PDE4B: variants seen among roughly 807,000 people sequenced by gnomAD.
The protein encoded by PDE4B is 3',5'-cyclic-AMP phosphodiesterase 4B.
A neutral mutation model predicts 82.2 loss-of-function variants in PDE4B; 20 were observed. The observed-to-expected ratio is 0.24, with a 90% CI of 0.17 to 0.35. The LOEUF (loss-of-function observed/expected upper bound fraction) is 0.35. PDE4B is among the 10% of genes least tolerant of loss of function. PDE4B has a pLI of 1.00. For synonymous variants in PDE4B, 320 were observed against 318.9 expected, an observed-to-expected ratio of 1.00 and a Z score of -0.04; for missense variants, 655 against 907.2, an observed-to-expected ratio of 0.72 and a Z score of 3.57.
chr1:65,983,566 A>C (rs12732753), intron 3 of PDE4B, among the ~76,000 whole-genome samples: 25,646 of 152,200 alleles, frequency 0.17, 2,814 homozygotes, highest in Non-Finnish European at 0.24. Context: ...CTTTATTAAA[A>C]ACGGTAATTG....
chr1:66,311,080 A>T (rs1372238781), intron 7 of PDE4B, among the ~76,000 whole-genome samples: 2 of 152,230 alleles, frequency 1.3e-5, no homozygotes, highest in Non-Finnish European at 2.9e-5. Context: ...TCTGGTGCAG[A>T]ATAAATAGTC....
At chr1:66,062,713 A>G (rs1359421332) in intron 3 of PDE4B, among the ~76,000 whole-genome samples, 1 of 152,112 alleles carries the variant, frequency 6.6e-6, no homozygotes, top group East Asian at 1.9e-4. Context: ...TGACCTTCAA[A>G]GACCCTTCAA....
At chr1:66,207,983 TATC>T (rs1649696930) in intron 3 of PDE4B, among the ~76,000 whole-genome samples, 1 of 152,224 alleles carries the variant, frequency 6.6e-6, no homozygotes, top group Non-Finnish European at 1.5e-5. Flanking sequence ...GTGACTTCTT[TATC>T]TTTTGTGTGG....
chr1:66,230,905 GCA>G (rs1277868523), intron 3 of PDE4B, among the ~76,000 whole-genome samples: 2 of 151,890 alleles, frequency 1.3e-5, no homozygotes, highest in Admixed American at 1.3e-4. Context: ...AATTAGCGGG[GCA>G]CAGTGGCATG....
intron 3 of PDE4B, among the ~76,000 whole-genome samples, chr1:66,082,637 AAAT>A (rs1285261544): frequency 8.7e-6 from 1 of 114,952 alleles, no homozygotes; most frequent in Non-Finnish European, 1.8e-5. Flanking sequence ...GATAGGATTG[AAAT>A]AATATATATA....
chr1:65,795,322 G>A (rs755482926), intron 1 of PDE4B, among the ~76,000 whole-genome samples: 9 of 152,222 alleles, frequency 5.9e-5, no homozygotes, highest in Non-Finnish European at 8.8e-5. Context: ...TTGGTGGTTA[G>A]TAATTTATTA....
At chr1:66,202,533 G>A (rs1220020060) in intron 3 of PDE4B, among the ~76,000 whole-genome samples, 2 of 152,164 alleles carry the variant, frequency 1.3e-5, no homozygotes, top group African/African-American at 4.8e-5. Context: ...GGGTGCGCCT[G>A]TATTGGGTGC....
intron 3 of PDE4B, among the ~76,000 whole-genome samples, chr1:66,057,862 C>G (rs1557530524): frequency 6.6e-6 from 1 of 152,090 alleles, no homozygotes; most frequent in Non-Finnish European, 1.5e-5. Flanking sequence ...ATCATTCTGC[C>G]CCTGGCCCTT....
chr1:65,974,618 G>T (rs1650314036), intron 3 of PDE4B, among the ~76,000 whole-genome samples: 1 of 152,188 alleles, frequency 6.6e-6, no homozygotes, highest in Non-Finnish European at 1.5e-5. Flanking sequence ...TTGAATTGGA[G>T]GAGGGATCTG....
intron 3 of PDE4B, among the ~76,000 whole-genome samples, chr1:66,122,269 CAGGGACA>C (rs1333084629): frequency 2.0e-5 from 3 of 152,146 alleles, no homozygotes; most frequent in African/African-American, 4.8e-5. Context: ...GACCATGTGC[CAGGGACA>C]TGTTAAGTGC....
chr1:65,865,368 C>G (rs761795537), intron 1 of PDE4B, among the ~76,000 whole-genome samples: 1 of 152,052 alleles, frequency 6.6e-6, no homozygotes. Flanking sequence ...GTCTTCAGCC[C>G]CCTTTCCAGG....
intron 3 of PDE4B, among the ~76,000 whole-genome samples, chr1:66,104,878 A>AT (rs1174791525): frequency 7.0e-6 from 1 of 143,706 alleles, no homozygotes; most frequent in African/African-American, 2.6e-5. Context: ...ATTTTCTCCC[A>AT]TTTTGTAGGT....
intron 8 of PDE4B, among the ~76,000 whole-genome samples, chr1:66,345,349 G>A (rs1229473934): frequency 2.0e-5 from 3 of 152,148 alleles, no homozygotes; most frequent in South Asian, 2.1e-4. Flanking sequence ...AGAAATCAGC[G>A]AAGTCTTGTT....
chr1:65,859,748 C>T (rs746151413), intron 1 of PDE4B, among the ~76,000 whole-genome samples: 1 of 152,154 alleles, frequency 6.6e-6, no homozygotes, highest in East Asian at 1.9e-4. Flanking sequence ...CACTACCATA[C>T]TCATTGTTGG....
chr1:66,062,010 G>T (rs1041621220), intron 3 of PDE4B, among the ~76,000 whole-genome samples: 1 of 152,242 alleles, frequency 6.6e-6, no homozygotes, highest in South Asian at 2.1e-4. Context: ...AATGAAAAGT[G>T]ATCATACTTG....
chr1:65,918,643 C>T lies in PDE4B; in HGVS notation c.89C>T (p.Ser30Phe). ...TGTAGCTTGAGTAAATCCTACAGTT[C>T]TTCCAGTAACACACTTGGGATCGAC... is the stretch of plus-strand genomic sequence containing the variant. ...FECSLSKSYS[S>F]SSNTLGIDLW... The change falls in exon 3 of 17, where the codon TCT becomes TTT. Residue 30 changes from serine (S) to phenylalanine (F), a missense_variant. Physicochemically the swap from Ser to Phe is radical, Grantham distance 155. Coordinates refer to ENST00000341517, the MANE Select transcript of PDE4B (RefSeq NM_002600.4). 6.2e-7 allele frequency: 1 copy of T among 1,613,246 alleles called. No homozygotes were observed. The highest frequency in any genetic ancestry group is 1.1e-5 in the South Asian group (1 of 91,060).
At chr1:66,300,404 G>A (rs1270476433) in intron 7 of PDE4B, among the ~76,000 whole-genome samples, 2 of 152,118 alleles carry the variant, frequency 1.3e-5, no homozygotes, top group Non-Finnish European at 2.9e-5. Flanking sequence ...AGAGGAGAGT[G>A]TGGCACCTCC....
intron 3 of PDE4B, among the ~76,000 whole-genome samples, chr1:65,968,781 G>A (rs1024375337): frequency 1.3e-5 from 2 of 152,058 alleles, no homozygotes; most frequent in Non-Finnish European, 2.9e-5. Flanking sequence ...ATTAACTCTC[G>A]TATTTTTAGA....
chr1:66,168,537 T>C (rs1417172123), intron 3 of PDE4B, among the ~76,000 whole-genome samples: 1 of 151,992 alleles, frequency 6.6e-6, no homozygotes, highest in African/African-American at 2.4e-5. Context: ...CCTGGCATGG[T>C]GTAGTAACCA....
Sources: allele counts gnomAD v4.1 joint callset (sites outside exome capture counted in the v4.1 genomes callset), GRCh38; gene constraint gnomAD v4.1.1; transcripts MANE v1.5; gene names NCBI Gene and HGNC (gene_info 2026-07-23, HGNC 2026-07-21).